The following CNTNAP2 variants were observed in gnomAD, a reference collection of about 807,000 sequenced individuals.
CNTNAP2 encodes the protein contactin-associated protein-like 2.
A neutral mutation model predicts 155.2 loss-of-function variants in CNTNAP2; 98 were observed. That is an observed-to-expected ratio of 0.63 (90% CI 0.54 to 0.75). The LOEUF (loss-of-function observed/expected upper bound fraction) is 0.75, where lower values mean the gene tolerates loss of function less well. CNTNAP2 is among the 30% of genes least tolerant of loss of function. CNTNAP2 has a pLI of 0.00. For synonymous variants in CNTNAP2, 651 were observed against 631.2 expected, an observed-to-expected ratio of 1.03 and a Z score of -0.47; for missense variants, 1,727 against 1,688.1, an observed-to-expected ratio of 1.02 and a Z score of -0.40.
intron 13 of CNTNAP2, among the ~76,000 whole-genome samples, chr7:147,778,603 G>A (rs896773508): frequency 2.4e-4 from 37 of 152,260 alleles, no homozygotes; most frequent in African/African-American, 6.5e-4. Context: ...GTGATACCTC[G>A]GTCCCTGAAC....
At chr7:146,624,258 C>T (rs1799380956) in intron 1 of CNTNAP2, among the ~76,000 whole-genome samples, 2 of 151,972 alleles carry the variant, frequency 1.3e-5, no homozygotes, top group African/African-American at 4.8e-5. Flanking sequence ...ATATTTTAAA[C>T]TTTAATAACG....
intron 1 of CNTNAP2, among the ~76,000 whole-genome samples, chr7:146,592,173 C>T (rs913430783): frequency 3.3e-5 from 5 of 152,156 alleles, no homozygotes; most frequent in African/African-American, 1.2e-4. Flanking sequence ...TGGAAAATCT[C>T]TGTGGCTTGG....
At chr7:147,881,395 AT>A (rs1234280892) in intron 13 of CNTNAP2, among the ~76,000 whole-genome samples, 1 of 152,224 alleles carries the variant, frequency 6.6e-6, no homozygotes, top group Non-Finnish European at 1.5e-5. Flanking sequence ...TCATGAAGTC[AT>A]TTAATATATA....
At chr7:146,150,967 G>A (rs765981628) in intron 1 of CNTNAP2, among the ~76,000 whole-genome samples, 25 of 152,066 alleles carry the variant, frequency 1.6e-4, no homozygotes, top group Non-Finnish European at 2.8e-4. Flanking sequence ...TGGCTGAAGA[G>A]GCCTCAGGAA....
intron 1 of CNTNAP2, among the ~76,000 whole-genome samples, chr7:146,733,442 A>G (rs897644064): frequency 2.0e-5 from 3 of 152,142 alleles, no homozygotes; most frequent in South Asian, 2.1e-4. Context: ...GAAATAAAAT[A>G]TATACATTTA....
At chr7:146,810,498 G>T (rs113619630) in intron 2 of CNTNAP2, among the ~76,000 whole-genome samples, 8 of 151,718 alleles carry the variant, frequency 5.3e-5, no homozygotes, top group Non-Finnish European at 1.2e-4. Context: ...TGTAGATTTC[G>T]TATCTGCAAC....
chr7:146,970,978 G>T (rs1797781571), intron 3 of CNTNAP2, among the ~76,000 whole-genome samples: 1 of 152,028 alleles, frequency 6.6e-6, no homozygotes, highest in Admixed American at 6.6e-5. Flanking sequence ...ACCAAACACT[G>T]CATATTCTCA....
chr7:147,048,206 T>G (rs1309985099), intron 4 of CNTNAP2, among the ~76,000 whole-genome samples: 1 of 151,594 alleles, frequency 6.6e-6, no homozygotes, highest in Non-Finnish European at 1.5e-5. Flanking sequence ...CAATTTTACA[T>G]TAGCCAGGTG....
At position 147,581,821 on chromosome 7, in the gene CNTNAP2, G is replaced by A. The variant is rs73741412; in HGVS notation, c.1897+19564G>A. ...AAAAATATACATTATATACAAAGCAGAGAACTTATACATAGTAGGAGTTTG... is the reference window on the plus strand; with the variant it reads ...AAAAATATACATTATATACAAAGCAAAGAACTTATACATAGTAGGAGTTTG... On this transcript the variant is annotated intron_variant, in intron 12 of 23. Coordinates refer to ENST00000361727, the MANE Select transcript of CNTNAP2 (RefSeq NM_014141.6). Among the ~76,000 whole-genome samples, 547 of 152,232 alleles carry A rather than the reference G, an allele frequency of 3.6e-3. 5 individuals carry two copies. Among genetic ancestry groups the A allele is most frequent in the African/African-American group, 0.013 (533 of 41,532 alleles).
At chr7:147,509,609 G>T (rs926229287) in intron 11 of CNTNAP2, among the ~76,000 whole-genome samples, 14 of 152,040 alleles carry the variant, frequency 9.2e-5, no homozygotes, top group Non-Finnish European at 1.9e-4. Flanking sequence ...GTATCACTGA[G>T]ATTTGGTCCC....
intron 2 of CNTNAP2, among the ~76,000 whole-genome samples, chr7:146,818,194 G>T (rs1388925958): frequency 6.6e-6 from 1 of 152,074 alleles, no homozygotes; most frequent in Non-Finnish European, 1.5e-5. Flanking sequence ...GAATTGGCAA[G>T]TTCTCTACTA....
At chr7:147,632,223 A>T (rs1795098088) in intron 12 of CNTNAP2, among the ~76,000 whole-genome samples, 1 of 152,190 alleles carries the variant, frequency 6.6e-6, no homozygotes, top group Admixed American at 6.5e-5. Flanking sequence ...ACATATGAAA[A>T]CATGCCCAAT....
chr7:148,405,452 G>A (rs186661368), intron 22 of CNTNAP2, among the ~76,000 whole-genome samples: 17 of 69,874 alleles, frequency 2.4e-4, no homozygotes, highest in African/African-American at 1.3e-3. Context: ...TTTTTGAGAC[G>A]GAGTCTCGCT....
intron 7 of CNTNAP2, among the ~76,000 whole-genome samples, chr7:147,131,043 C>T (rs201249406): frequency 1.6e-5 from 1 of 62,080 alleles, no homozygotes; most frequent in Non-Finnish European, 3.7e-5. Context: ...TATATATACA[C>T]ATATATATAT....
intron 12 of CNTNAP2, 167 bp from the exon 13 acceptor site, chr7:147,638,939 C>G: frequency 1.3e-6 from 1 of 744,712 alleles, no homozygotes; most frequent in Non-Finnish European, 2.4e-6. Context: ...ATAAGCAGAA[C>G]TTAGGGATGA....
At chr7:148,379,834 T>G (rs1258752810) in intron 21 of CNTNAP2, among the ~76,000 whole-genome samples, 4 of 152,234 alleles carry the variant, frequency 2.6e-5, no homozygotes, top group Admixed American at 2.0e-4. Context: ...GCTGGCTTTA[T>G]TCTCCCAGTG....
chr7:147,063,374 G>T (rs1584813355), intron 4 of CNTNAP2, among the ~76,000 whole-genome samples: 1 of 151,858 alleles, frequency 6.6e-6, no homozygotes, highest in East Asian at 1.9e-4. Flanking sequence ...AAAAAAAATG[G>T]CCAATTGCTC....
At chr7:147,342,945 T>G (rs886575199) in intron 9 of CNTNAP2, among the ~76,000 whole-genome samples, 2 of 152,134 alleles carry the variant, frequency 1.3e-5, no homozygotes, top group African/African-American at 2.4e-5. Context: ...GTGATGTATA[T>G]ATCACTTTTT....
intron 1 of CNTNAP2, among the ~76,000 whole-genome samples, chr7:146,229,630 T>C (rs1799352048): frequency 6.6e-6 from 1 of 152,126 alleles, no homozygotes; most frequent in Admixed American, 6.6e-5. Flanking sequence ...TATGGAAACT[T>C]CAGTTGCCAA....
Sources: gnomAD v4.1 joint callset for allele counts (sites outside exome capture counted in the v4.1 genomes callset) on GRCh38, gnomAD v4.1.1 for gene constraint, MANE v1.5 for transcripts, NCBI Gene and HGNC (gene_info 2026-07-23, HGNC 2026-07-21) for gene names.